The following TRPC3 variants were observed in gnomAD, a reference collection of about 807,000 sequenced individuals.
TRPC3 encodes the protein short transient receptor potential channel 3.
In TRPC3, 54 loss-of-function variants were observed where a neutral mutation model predicts 90.9. The ratio of observed to expected loss-of-function variants is 0.59; its 90% confidence interval spans 0.48 to 0.75. The LOEUF is 0.75. TRPC3 is among the 30% of genes least tolerant of loss of function. The pLI is 0.00. For missense variants in TRPC3, 918 were observed against 1,194.5 expected (o/e 0.77, Z 3.41); for synonymous variants, 424 against 450.9 (o/e 0.94, Z 0.75).
intron 10 of TRPC3, among the ~76,000 whole-genome samples, chr4:121,887,930 A>C (rs1728186662): frequency 6.6e-6 from 1 of 152,198 alleles, no homozygotes; most frequent in South Asian, 2.1e-4. Flanking sequence ...CACATAAAAG[A>C]ATTACTTCAA....
At position 121,945,780 on chromosome 4, in the gene TRPC3, AG is replaced by A. The variant is rs142189568; in HGVS notation, c.215+5685del. ...GAAATGCTCTAGACGTGGGGATACC[AG>A]GGGGGCAGGAACTAGGAACAGGGGG... On this transcript the variant is annotated intron_variant, in intron 1 of 11. Transcript: ENST00000379645. 5.5e-3 allele frequency among the ~76,000 whole-genome samples: 838 copies of A among 152,238 alleles called. 10 individuals are homozygous for A. Among genetic ancestry groups the A allele is most frequent in the African/African-American group, 0.019 (801 of 41,544 alleles).
chr4:121,947,690 G>A (rs1730541081), intron 1 of TRPC3, among the ~76,000 whole-genome samples: 1 of 152,194 alleles, frequency 6.6e-6, no homozygotes, highest in Non-Finnish European at 1.5e-5. Flanking sequence ...AGCGATTTAA[G>A]TGAATGAGTA....
rs1275758735 is a variant in TRPC3, at chr4:121,951,292, G to A, written c.215+174C>T. On this transcript the variant is annotated intron_variant, in intron 1 of 11. Coordinates refer to ENST00000379645, the MANE Select transcript of TRPC3 (RefSeq NM_001130698.2). The surrounding 1 kb of genome is among the most constrained non-coding windows in gnomAD (Gnocchi z 4.4). The stretch of plus-strand genomic sequence containing the variant: ...CTCCACCGCGCGGGACCGAGGGGGC[G>A]AGCCTCCGGCCGAGGTCTGTCCCCT... 6.6e-6 allele frequency among the ~76,000 whole-genome samples: 1 copy of A among 151,974 alleles called. No individual in the cohort carries two copies. The highest frequency in any genetic ancestry group is 2.4e-5 in the African/African-American group (1 of 41,390).
intron 1 of TRPC3, 156 bp from the exon 2 acceptor site, chr4:121,933,198 C>T (rs960538673): frequency 4.3e-5 from 57 of 1,334,502 alleles, no homozygotes; most frequent in Middle Eastern, 2.6e-4. Context: ...AACTACTCGC[C>T]TGAAAGTGAC....
chr4:121,911,689 T>C (rs1284486416), intron 5 of TRPC3, among the ~76,000 whole-genome samples, 188 bp downstream of exon 5: 1 of 152,204 alleles, frequency 6.6e-6, no homozygotes, highest in Non-Finnish European at 1.5e-5. Flanking sequence ...TTTTATGTAG[T>C]GTTAAGGGAC....
At chr4:121,920,499 G>A (rs1729464387) in intron 3 of TRPC3, among the ~76,000 whole-genome samples, 1 of 152,040 alleles carries the variant, frequency 6.6e-6, no homozygotes, top group African/African-American at 2.4e-5. Context: ...ACTCAAGCCT[G>A]GGAGACAGAG....
At chr4:121,884,645 T>C (rs545716991) in intron 10 of TRPC3, among the ~76,000 whole-genome samples, 1 of 152,280 alleles carries the variant, frequency 6.6e-6, no homozygotes, top group Non-Finnish European at 1.5e-5. Flanking sequence ...CAAAATGTTA[T>C]GCAGAGAATA....
chr4:121,883,246 A>G (rs531785993), intron 10 of TRPC3, among the ~76,000 whole-genome samples: 2 of 152,256 alleles, frequency 1.3e-5, no homozygotes, highest in South Asian at 4.1e-4. Context: ...TATTTTTAAA[A>G]AAACAAGATT....
chr4:121,923,713 A>G (rs187879998), intron 3 of TRPC3, among the ~76,000 whole-genome samples: 19 of 152,332 alleles, frequency 1.2e-4, no homozygotes, highest in Admixed American at 1.2e-3. Flanking sequence ...TGACTTGCTC[A>G]TGGTCACACA....
rs760207813 is a variant in TRPC3 at position 121,918,685 on chromosome 4, C to CT, written c.1177-3742dup. Among the ~76,000 whole-genome samples, 54 of 152,144 alleles carry CT rather than the reference C, an allele frequency of 3.5e-4. 1 individual carries two copies. The highest frequency in any genetic ancestry group is 2.3e-3 in the South Asian group (11 of 4,824). On this transcript the variant is annotated intron_variant, in intron 3 of 11. Transcript: ENST00000379645. ...TATTTCCTATGCTTCTAATTCTACT[C>CT]TTTTTTTTGAGATAATTATACACGA...
At chr4:121,905,735 T>C (rs552412107) in intron 7 of TRPC3, among the ~76,000 whole-genome samples, 1 of 152,206 alleles carries the variant, frequency 6.6e-6, no homozygotes, top group Admixed American at 6.5e-5. Flanking sequence ...TAGGACTAGT[T>C]TATTCATTCA....
At position 121,874,769 on chromosome 4, in the gene TRPC3, C is replaced by T. The variant is rs1383195294; in HGVS notation, c.*4967G>A. 6.6e-6 allele frequency among the ~76,000 whole-genome samples: 1 copy of T among 152,162 alleles called. No individual in the cohort carries two copies. The highest frequency in any genetic ancestry group is 2.4e-5 in the African/African-American group (1 of 41,414). On this transcript the variant is annotated 3_prime_UTR_variant, in exon 12 of 12. Coordinates refer to ENST00000379645, the MANE Select transcript of TRPC3 (RefSeq NM_001130698.2). ...GAGATACTGAAGGCGAGGACTTTAA[C>T]ATGAGTTTTGAGGGGACACAATTCA...
intron 10 of TRPC3, among the ~76,000 whole-genome samples, chr4:121,892,408 T>C (rs1728361470): frequency 6.6e-6 from 1 of 152,210 alleles, no homozygotes; most frequent in Non-Finnish European, 1.5e-5. Context: ...TCTCTATCAC[T>C]TTCTAACTGT....
intron 1 of TRPC3, among the ~76,000 whole-genome samples, chr4:121,937,243 C>T (rs935975737): frequency 6.6e-6 from 1 of 152,140 alleles, no homozygotes; most frequent in Non-Finnish European, 1.5e-5. Flanking sequence ...CTGAAATATG[C>T]CCTTTAAATG....
chr4:121,889,378 CA>C (rs1728241262), intron 10 of TRPC3, among the ~76,000 whole-genome samples: 1 of 151,870 alleles, frequency 6.6e-6, no homozygotes, highest in Non-Finnish European at 1.5e-5. Flanking sequence ...AACTCAACAG[CA>C]AAAAACAAGT....
Position 121,903,048 on chromosome 4 carries a change from A to G in TRPC3, c.2267T>C (p.Val756Ala), listed in dbSNP as rs1461323686. Reference sequence around the variant, plus strand: ...TTTTGAACGAGCAAACTTCCATTCTACATCACTGTCATCCTGTGTCACAAA... The same window carrying G: ...TTTTGAACGAGCAAACTTCCATTCTGCATCACTGTCATCCTGTGTCACAAA... ...SYQEIEDDSD[V>A]EWKFARSKLW... The change falls in exon 9 of 12, where the codon GTA becomes GCA. Residue 756 changes from valine to alanine, a missense_variant. By Grantham distance (64) the Val-to-Ala change is moderately conservative. Coordinates refer to ENST00000379645, the MANE Select transcript of TRPC3 (RefSeq NM_001130698.2). 4 of 1,611,658 alleles carry G rather than the reference A, an allele frequency of 2.5e-6. No homozygotes were observed.
In TRPC3 at chr4:121,916,434, T is replaced by C. The variant is rs13115363; in HGVS notation, c.1177-1490A>G. ...GGTGGTGAGAATAAATTTATGAATA[T>C]TAGATTTGAAATAATTAACTGAGTT... On this transcript the variant is annotated intron_variant, in intron 3 of 11. Coordinates refer to ENST00000379645, the MANE Select transcript of TRPC3 (RefSeq NM_001130698.2). Among the ~76,000 whole-genome samples the C allele has an allele frequency of 9.4e-3, 1,429 of 152,260 alleles. 16 individuals are homozygous for C. Among genetic ancestry groups the C allele is most frequent in the Non-Finnish European group, 0.011 (746 of 68,030 alleles).
chr4:121,932,271 C>A lies in TRPC3; in HGVS notation c.987G>T (p.Lys329Asn). The change falls in exon 2 of 12, where the codon AAG (lysine) becomes AAT (asparagine). Residue 329 changes from lysine to asparagine, a missense_variant and splice_region_variant. Lys to Asn is a moderately conservative substitution (Grantham distance 94). Coordinates refer to ENST00000379645, the MANE Select transcript of TRPC3 (RefSeq NM_001130698.2). This position sits in a 1 kb window ranked among gnomAD's most constrained non-coding sequence, Gnocchi z 7.7. Reference sequence around the variant, plus strand: ...AGCCGGGGTAGAGCGCAAAGCTTACCTTGAACTCCTTCTCTATGTTGGCCA... The same window carrying A: ...AGCCGGGGTAGAGCGCAAAGCTTACATTGAACTCCTTCTCTATGTTGGCCA... ...AKLANIEKEF[K>N]NDYRKLSMQC... 6.2e-7 allele frequency: 1 copy of A among 1,613,302 alleles called. No homozygotes were observed. The highest frequency in any genetic ancestry group is 8.5e-7 in the Non-Finnish European group (1 of 1,179,440).
intron 7 of TRPC3, 84 bp downstream of exon 7, chr4:121,907,218 CA>C (rs773903936): frequency 7.8e-5 from 100 of 1,274,180 alleles, no homozygotes; most frequent in Admixed American, 3.7e-4. Context: ...ATCTTTATTA[CA>C]ATCAGAGAAA....
Sources: allele counts gnomAD v4.1 joint callset (sites outside exome capture counted in the v4.1 genomes callset), GRCh38; gene constraint gnomAD v4.1.1; non-coding constraint Gnocchi (gnomAD v3.1); transcripts MANE v1.5; gene names NCBI Gene and HGNC (gene_info 2026-07-23, HGNC 2026-07-21).